CFAP43: variants seen among roughly 807,000 people sequenced by gnomAD.
CFAP43 encodes cilia and flagella associated protein 43.
A neutral mutation model predicts 218.9 loss-of-function variants in CFAP43; 155 were observed. That is an observed-to-expected ratio of 0.71 (90% confidence interval 0.62 to 0.81). CFAP43 has a LOEUF of 0.81. Ranked by LOEUF, CFAP43 falls within the 30% of genes least tolerant of loss-of-function variation. The pLI is 0.00. For synonymous variants in CFAP43, 645 were observed against 681.3 expected (o/e 0.95, Z 0.83); for missense variants, 1,778 against 1,954.3 (o/e 0.91, Z 1.70).
Position 104,230,833 on chromosome 10 carries a change from C to T in CFAP43, c.76G>A (p.Gly26Arg), listed in dbSNP as rs2091430793. Residue 26 changes from glycine to arginine, a missense_variant, in exon 2 of 38, where the codon GGA (glycine) becomes AGA (arginine). Gly to Arg is a moderately radical substitution (Grantham distance 125, BLOSUM62 -2). Transcript: ENST00000357060. ...AAATGAACATTCTGCTTAGGGAATC[C>T]TTGCACCCATCTTTGGGAAAAGATA... ...GASLSVRWVQGFPKQNVHFVN... is the reference protein window; with the variant it reads ...GASLSVRWVQRFPKQNVHFVN... 6.2e-7 allele frequency: 1 copy of T among 1,606,128 alleles called. No individual in the cohort carries two copies. Among genetic ancestry groups the T allele is most frequent in the South Asian group, 1.1e-5 (1 of 89,386 alleles).
Position 104,214,336 on chromosome 10 carries a change from C to G in CFAP43, c.507G>C (p.Gln169His). The change falls in exon 4 of 38, where the codon CAG becomes CAC. Residue 169 changes from glutamine to histidine, a missense_variant. Around this residue, in one of 3 missense-constraint regions of CFAP43, gnomAD observed 1,553 missense variants for 1,685.2 expected, o/e 0.92. Transcript: ENST00000357060. ...QMSFNPMNWRQLCLSSPSTVS... is the reference protein window; with the variant it reads ...QMSFNPMNWRHLCLSSPSTVS... ...CTGTACTTGGACTTGATAAGCACAG[C>G]TGGCGCCAGTTCATGGGGTTAAAAG... 1.9e-6 allele frequency: 3 copies of G among 1,612,092 alleles called. No individual in the cohort carries two copies. Among genetic ancestry groups the G allele is most frequent in the Non-Finnish European group, 2.5e-6 (3 of 1,178,854 alleles).
At chr10:104,152,863 A>C in intron 27 of CFAP43, 137 bp from the exon 28 acceptor site, 1 of 830,012 alleles carries the variant, frequency 1.2e-6, no homozygotes, top group Non-Finnish European at 1.8e-6. Context: ...TACTCTCTTA[A>C]ACCAGAGATG....
chr10:104,219,032 T>C (rs1439346894), intron 3 of CFAP43: 4 of 365,262 alleles, frequency 1.1e-5, no homozygotes, highest in Non-Finnish European at 2.1e-5. Flanking sequence ...TCCTAACTGA[T>C]ATATCAGCTG....
intron 19 of CFAP43, among the ~76,000 whole-genome samples, chr10:104,178,399 G>A (rs2089706454): frequency 6.6e-6 from 1 of 152,220 alleles, no homozygotes; most frequent in Admixed American, 6.5e-5. Flanking sequence ...GAAAAATCAA[G>A]TTGTAAAAGC....
At position 104,146,333 on chromosome 10, in the gene CFAP43, G is replaced by C; in HGVS notation, c.3785C>G (p.Ala1262Gly). ...KQHEKSQTSE[A>G]VRKSREDLDV... ...CAGGTCTTCTCTAGATTTCCGAACAGCTTCTGAAGTCTGGCTCTATAACAG... is the reference window on the plus strand; with the variant it reads ...CAGGTCTTCTCTAGATTTCCGAACACCTTCTGAAGTCTGGCTCTATAACAG... Residue 1262 changes from alanine to glycine, a missense_variant, in exon 30 of 38, where the codon GCT becomes GGT. This residue lies in a region of CFAP43 where 1,553 missense variants were observed against 1,685.2 expected (regional missense o/e 0.92). Coordinates refer to ENST00000357060, the MANE Select transcript of CFAP43 (RefSeq NM_025145.7). 1 of 1,613,536 alleles carries C rather than the reference G, an allele frequency of 6.2e-7. No homozygotes were observed. Among genetic ancestry groups the C allele is most frequent in the Non-Finnish European group, 8.5e-7 (1 of 1,179,612 alleles).
At chr10:104,142,427 T>C (rs752151364) in intron 32 of CFAP43, 34 bp from the exon 33 acceptor site, 2 of 1,546,702 alleles carry the variant, frequency 1.3e-6, no homozygotes, top group Admixed American at 1.8e-5. Flanking sequence ...TGTCAGAACA[T>C]ATGGAGCTTC....
chr10:104,179,760 A>T, intron 18 of CFAP43, 80 bp downstream of exon 18: 1 of 1,068,256 alleles, frequency 9.4e-7, no homozygotes, highest in Non-Finnish European at 1.4e-6. Context: ...CTAACTTTCC[A>T]GTAGGTTTCC....
chr10:104,222,377 AC>A (rs1185996967), intron 3 of CFAP43, among the ~76,000 whole-genome samples: 1 of 152,084 alleles, frequency 6.6e-6, no homozygotes, highest in Non-Finnish European at 1.5e-5. Context: ...TCTATGCAGC[AC>A]CCGAGGGTGC....
chr10:104,176,035 G>A lies in CFAP43; in HGVS notation c.2460+2994C>T, dbSNP rs972954129. Among the ~76,000 whole-genome samples, 3 of 152,154 alleles carry A rather than the reference G, an allele frequency of 2.0e-5. 1 individual carries two copies. The highest frequency in any genetic ancestry group is 1.3e-4 in the Admixed American group (2 of 15,288). On this transcript the variant is annotated intron_variant, in intron 19 of 37. Transcript: ENST00000357060. Reference sequence around the variant, plus strand: ...ACAAGCTGAATTTAAAATTCCAATGGAAAATTAAGTACACATAAAAAGGCC... The same window carrying A: ...ACAAGCTGAATTTAAAATTCCAATGAAAAATTAAGTACACATAAAAAGGCC...
intron 8 of CFAP43, among the ~76,000 whole-genome samples, chr10:104,203,184 A>G (rs932544197): frequency 1.4e-4 from 22 of 152,188 alleles, no homozygotes; most frequent in African/African-American, 5.3e-4. Context: ...GGCCTGGCCA[A>G]TCAGAGTTTA....
intron 5 of CFAP43, among the ~76,000 whole-genome samples, chr10:104,209,951 T>C (rs2090803978): frequency 6.6e-6 from 1 of 152,202 alleles, no homozygotes; most frequent in South Asian, 2.1e-4. Context: ...ATAACCTACA[T>C]ACATCCCCCT....
rs1346806044 is a variant in CFAP43, at chr10:104,129,906, C to A, written c.*233G>T. 6 of 406,922 alleles carry A rather than the reference C, an allele frequency of 1.5e-5. No individual in the cohort carries two copies. Among genetic ancestry groups the A allele is most frequent in the Non-Finnish European group, 2.6e-5 (6 of 234,644 alleles). 25.2% of individuals were successfully genotyped at this position (406,922 alleles called of 1,614,324 possible). ...TCTTGAATACTTTCTGACTTCAAGT[C>A]TTGTTTATTCTTGAATAAAAACAGC... On this transcript the variant is annotated 3_prime_UTR_variant, in exon 38 of 38. Coordinates refer to ENST00000357060, the MANE Select transcript of CFAP43 (RefSeq NM_025145.7).
At chr10:104,179,193 A>AG in intron 18 of CFAP43, 87 bp from the exon 19 acceptor site, 1 of 1,156,824 alleles carries the variant, frequency 8.6e-7, no homozygotes, top group Non-Finnish European at 1.2e-6. Flanking sequence ...AATTCTCTAG[A>AG]AACAGAAACT....
At chr10:104,130,932 G>C (rs1365503816) in intron 37 of CFAP43, among the ~76,000 whole-genome samples, 4 of 149,764 alleles carry the variant, frequency 2.7e-5, no homozygotes, top group Non-Finnish European at 5.9e-5. Context: ...CCAGGAGGTG[G>C]AGGTTGCATT....
At chr10:104,192,887 C>T (rs2090272812) in intron 11 of CFAP43, 1 of 154,578 alleles carries the variant, frequency 6.5e-6, no homozygotes, top group Non-Finnish European at 1.4e-5. Context: ...GCAGGGCCAG[C>T]TCCTCAGTGT....
intron 27 of CFAP43, among the ~76,000 whole-genome samples, chr10:104,156,744 G>A (rs2134792521): frequency 6.6e-6 from 1 of 152,238 alleles, no homozygotes; most frequent in Non-Finnish European, 1.5e-5. Flanking sequence ...AAAAGGTTTT[G>A]TACATAACTT....
intron 19 of CFAP43, among the ~76,000 whole-genome samples, chr10:104,173,236 A>G (rs182682235): frequency 8.8e-4 from 134 of 152,316 alleles, no homozygotes; most frequent in Middle Eastern, 3.4e-3. Context: ...CCAAAATATA[A>G]AGTTAAGAGA....
chr10:104,133,821 T>G, intron 34 of CFAP43, 37 bp from the exon 35 acceptor site: 1 of 1,523,692 alleles, frequency 6.6e-7, no homozygotes, highest in South Asian at 1.2e-5. Context: ...TATAATATGA[T>G]TCTGCATATA....
At chr10:104,161,701 G>C (rs1046732557) in intron 26 of CFAP43, among the ~76,000 whole-genome samples, 7 of 152,144 alleles carry the variant, frequency 4.6e-5, no homozygotes, top group Non-Finnish European at 1.0e-4. Context: ...TGTGATCACA[G>C]CTCACTGTAG....
Sources: allele counts gnomAD v4.1 joint callset (sites outside exome capture counted in the v4.1 genomes callset), GRCh38; gene constraint gnomAD v4.1.1; regional missense constraint gnomAD v4.1.1; transcripts MANE v1.5; gene names NCBI Gene and HGNC (gene_info 2026-07-23, HGNC 2026-07-21).